SEZ6L2: variants seen among roughly 807,000 people sequenced by gnomAD.
The protein encoded by SEZ6L2 is seizure related 6 homolog like 2.
SEZ6L2 carries 44 observed loss-of-function variants against 97.0 expected under a neutral mutation model. The observed-to-expected ratio is 0.45, with a 90% confidence interval of 0.36 to 0.58. The LOEUF (loss-of-function observed/expected upper bound fraction) is 0.58. Ranked by LOEUF, SEZ6L2 falls within the 20% of genes least tolerant of loss-of-function variation. The pLI is 0.00. For missense variants in SEZ6L2, 1,086 were observed against 1,233.3 expected (o/e 0.88, Z 1.79); for synonymous variants, 543 against 546.1 (o/e 0.99, Z 0.08).
chr16:29,896,540 A>G (rs2068393770), intron 3 of SEZ6L2, among the ~76,000 whole-genome samples: 2 of 152,112 alleles, frequency 1.3e-5, no homozygotes, highest in Non-Finnish European at 2.9e-5. Context: ...GGCCTCCCAA[A>G]GTGCTGGGAT....
rs1472199134 is a variant in SEZ6L2 at position 29,873,402 on chromosome 16, C to T, written c.2326G>A (p.Val776Ile). The change falls in exon 14 of 18, where the codon GTT becomes ATT. Residue 776 changes from valine (V) to isoleucine (I), a missense_variant. Around this residue, in one of 2 missense-constraint regions of SEZ6L2, gnomAD observed 310 missense variants for 438.6 expected, o/e 0.71. Coordinates refer to ENST00000617533, the MANE Select transcript of SEZ6L2 (RefSeq NM_001243332.2). This position sits in a 1 kb window ranked among gnomAD's most constrained non-coding sequence, Gnocchi z 4.3. ...LKYEPCLNPG[V>I]PENGYQTLYK... ...AGCGTCTGGTAGCCATTCTCGGGAA[C>T]CCCCGGGTTCAGGCACGGCTCGTAC... 1.2e-6 allele frequency: 2 copies of T among 1,614,130 alleles called. No individual in the cohort carries two copies. Among genetic ancestry groups the T allele is most frequent in the East Asian group, 4.5e-5 (2 of 44,898 alleles).
Position 29,873,623 on chromosome 16 carries a change from G to A in SEZ6L2, c.2211C>T (p.Tyr737=), listed in dbSNP as rs754940115. ...TGAGCATGGCTGCCCCCTCGAGGCT[G>A]TACCCTGGCAGGCAGCGGTACTGGA... ...SHVQYRCLPG[Y]SLEGAAMLTC... The change falls in exon 13 of 18, where the codon TAC becomes TAT. Residue 737 remains tyrosine, a synonymous_variant. Transcript: ENST00000617533. The surrounding 1 kb of genome is among the most constrained non-coding windows in gnomAD (Gnocchi z 4.3). 2 of 1,613,964 alleles carry A rather than the reference G, an allele frequency of 1.2e-6. No homozygotes were observed. The highest frequency in any genetic ancestry group is 1.7e-5 in the Admixed American group (1 of 60,008).
rs747329174 is a variant in SEZ6L2, at chr16:29,872,202, C to T, written c.2727G>A (p.Pro909=). 55 of 1,607,048 alleles carry T rather than the reference C, an allele frequency of 3.4e-5. No homozygotes were observed. The Middle Eastern group carries it at 1.5e-3, about 43-fold the overall frequency. The change falls in exon 17 of 18, where the codon CCG becomes CCA. Residue 909 remains proline, a synonymous_variant. Coordinates refer to ENST00000617533, the MANE Select transcript of SEZ6L2 (RefSeq NM_001243332.2). ...PITVESDFSN[P]LYEAGDTREY... ...AGGTGCTTACCCCAGCTTCATACAG[C>T]GGGTTGCTGAAGTCCGACTCCACGG...
At position 29,873,505 on chromosome 16, in the gene SEZ6L2, C is replaced by T. The variant is rs1227929479; in HGVS notation, c.2296+33G>A. 26 of 1,613,846 alleles carry T rather than the reference C, an allele frequency of 1.6e-5. No individual in the cohort carries two copies. Among genetic ancestry groups the T allele is most frequent in the Non-Finnish European group, 1.9e-5 (23 of 1,179,932 alleles). On this transcript the variant is annotated intron_variant, in intron 13 of 17. Coordinates refer to ENST00000617533, the MANE Select transcript of SEZ6L2 (RefSeq NM_001243332.2). The surrounding 1 kb of genome is among the most constrained non-coding windows in gnomAD (Gnocchi z 4.3). ...GCAGACGGGCTCTCCCAGGGCTACC[C>T]AGCCACCCTCCCAGGGTGTGCCCCA... is the stretch of plus-strand genomic sequence containing the variant.
intron 6 of SEZ6L2, 38 bp downstream of exon 6, chr16:29,888,502 C>T: frequency 6.2e-7 from 1 of 1,602,586 alleles, no homozygotes; most frequent in African/African-American, 1.3e-5. Flanking sequence ...ATGGGGTTCC[C>T]AGAACAGATG....
Position 29,896,835 on chromosome 16 carries a change from C to G in SEZ6L2, c.498G>C (p.Thr166=). The change falls in exon 3 of 18, where the codon ACG becomes ACC. Residue 166 remains threonine (T), a synonymous_variant. Coordinates refer to ENST00000617533, the MANE Select transcript of SEZ6L2 (RefSeq NM_001243332.2). ...CTGTCGCCTCACCTGGGCTGGTCAC[C>G]GTAGTGGTAACAGTTGTCGTGGTGA... is the stretch of plus-strand genomic sequence containing the variant. ...TIITTTTVTT[T]VTSPVLCNNN... The G allele has an allele frequency of 6.2e-7, 1 of 1,613,944 alleles. No homozygotes were observed.
intron 8 of SEZ6L2, among the ~76,000 whole-genome samples, chr16:29,882,971 C>T (rs1043865451): frequency 5.9e-5 from 9 of 152,178 alleles, no homozygotes; most frequent in Non-Finnish European, 1.3e-4. Flanking sequence ...TTGCTATTTT[C>T]GGTAAAAGAT....
rs370076865 is a variant in SEZ6L2, at chr16:29,895,838, G to A, written c.534C>T (p.Ser178=). The change falls in exon 4 of 18, where the codon TCC becomes TCT. Residue 178 remains serine, a synonymous_variant. Coordinates refer to ENST00000617533, the MANE Select transcript of SEZ6L2 (RefSeq NM_001243332.2). ...GAGACTCCACATACCCTTCGCCCTCGGAGATGTTGTTATTACACAGAACTG... is the reference window on the plus strand; with the variant it reads ...GAGACTCCACATACCCTTCGCCCTCAGAGATGTTGTTATTACACAGAACTG... ...TSPVLCNNNI[S]EGEGYVESPD... The A allele has an allele frequency of 5.3e-5, 86 of 1,613,132 alleles. No homozygotes were observed. Among genetic ancestry groups the A allele is most frequent in the Non-Finnish European group, 6.6e-5 (78 of 1,179,680 alleles).
Position 29,881,039 on chromosome 16 carries a change from G to A in SEZ6L2, c.1373-975C>T, listed in dbSNP as rs921191437. ...TCCGCTGGCCTCGGCCTCCCAAAGT[G>A]CTGGGATTACAGGTATGAGCCATTG... On this transcript the variant is annotated intron_variant, in intron 8 of 17. Coordinates refer to ENST00000617533, the MANE Select transcript of SEZ6L2 (RefSeq NM_001243332.2). Among the ~76,000 whole-genome samples, 4 of 151,840 alleles carry A rather than the reference G, an allele frequency of 2.6e-5. No homozygotes were observed. In the South Asian group the frequency reaches 8.3e-4, roughly 31 times the overall value.
At chr16:29,875,331 C>G (rs1385983135) in intron 12 of SEZ6L2, among the ~76,000 whole-genome samples, 1 of 152,204 alleles carries the variant, frequency 6.6e-6, no homozygotes, top group Non-Finnish European at 1.5e-5. Context: ...CCATGGAGCA[C>G]TGGACAGGGA....
chr16:29,872,415 T>C lies in SEZ6L2; in HGVS notation c.2639A>G (p.Tyr880Cys), dbSNP rs1211718448. Reference protein sequence around the residue: ...IVLGSGVYIYYTKLQGKSLFG... With the variant: ...IVLGSGVYIYCTKLQGKSLFG... ...CCCCAAGCAGGCTACTTACTTGGTG[T>C]AGTAGATGTAAACGCCACTGCCGAG... Residue 880 changes from tyrosine to cysteine, a missense_variant, in exon 16 of 18, where the codon TAC becomes TGC. Around this residue, in one of 2 missense-constraint regions of SEZ6L2, gnomAD observed 310 missense variants for 438.6 expected, o/e 0.71. Transcript: ENST00000617533. 6.2e-7 allele frequency: 1 copy of C among 1,613,708 alleles called. No individual in the cohort carries two copies. The highest frequency in any genetic ancestry group is 8.5e-7 in the Non-Finnish European group (1 of 1,179,744).
Position 29,889,208 on chromosome 16 carries a change from C to T in SEZ6L2, c.854-483G>A, listed in dbSNP as rs112875613. On this transcript the variant is annotated intron_variant, in intron 5 of 17. Coordinates refer to ENST00000617533, the MANE Select transcript of SEZ6L2 (RefSeq NM_001243332.2). Reference sequence around the variant, plus strand: ...CTGTAATCCCAGCACTTTTGGAGGCCGAGGCAGGTGGATCACGAAGTCAGG... The same window carrying T: ...CTGTAATCCCAGCACTTTTGGAGGCTGAGGCAGGTGGATCACGAAGTCAGG... Among the ~76,000 whole-genome samples the T allele has an allele frequency of 2.9e-3, 441 of 152,074 alleles. 1 individual carries two copies. The highest frequency in any genetic ancestry group is 5.3e-3 in the Non-Finnish European group (360 of 67,984).
At position 29,872,449 on chromosome 16, in the gene SEZ6L2, C is replaced by G; in HGVS notation, c.2605G>C (p.Val869Leu). ...TAAACGCCACTGCCGAGGACAATGA[C>G]CAAGCCTAGAGGCAGCAGGATGGCC... Reference protein sequence around the residue: ...ALAILLPLGLVIVLGSGVYIY... With the variant: ...ALAILLPLGLLIVLGSGVYIY... Residue 869 changes from valine to leucine, a missense_variant, in exon 16 of 18, where the codon GTC (valine) becomes CTC (leucine). Coordinates refer to ENST00000617533, the MANE Select transcript of SEZ6L2 (RefSeq NM_001243332.2). 6.2e-7 allele frequency: 1 copy of G among 1,614,222 alleles called. No individual in the cohort carries two copies. The highest frequency in any genetic ancestry group is 1.1e-5 in the South Asian group (1 of 91,088).
chr16:29,883,872 C>T (rs2068077442), intron 8 of SEZ6L2, among the ~76,000 whole-genome samples: 1 of 151,784 alleles, frequency 6.6e-6, no homozygotes, highest in South Asian at 2.1e-4. Context: ...GTTGAGGTTG[C>T]AGTGAACCAT....
intron 8 of SEZ6L2, among the ~76,000 whole-genome samples, chr16:29,885,351 G>T (rs1452134764): frequency 6.6e-6 from 1 of 152,198 alleles, no homozygotes; most frequent in Non-Finnish European, 1.5e-5. Context: ...TGGTCTCTGG[G>T]CTATGTACCT....
At chr16:29,889,660 C>T (rs1463339524) in intron 5 of SEZ6L2, among the ~76,000 whole-genome samples, 1 of 112,166 alleles carries the variant, frequency 8.9e-6, no homozygotes, top group African/African-American at 3.3e-5. Flanking sequence ...TAGGGTCTCA[C>T]TGTGTTGCCC....
At chr16:29,874,411 C>T (rs2150779243) in intron 12 of SEZ6L2, among the ~76,000 whole-genome samples, 1 of 152,248 alleles carries the variant, frequency 6.6e-6, no homozygotes, top group African/African-American at 2.4e-5. Flanking sequence ...CACTCACATA[C>T]ACTCCCTGCC....
chr16:29,887,887 C>T (rs773330314), intron 6 of SEZ6L2, 70 bp from the exon 7 acceptor site: 11 of 1,538,026 alleles, frequency 7.2e-6, no homozygotes, highest in East Asian at 4.7e-5. Context: ...GGCCTCGGCC[C>T]GTTTTCAGAA....
Position 29,876,719 on chromosome 16 carries a change from G to C in SEZ6L2, c.2104+37C>G. 1 of 1,502,356 alleles carries C rather than the reference G, an allele frequency of 6.7e-7. No individual in the cohort carries two copies. The highest frequency in any genetic ancestry group is 8.9e-7 in the Non-Finnish European group (1 of 1,121,096). The allele number at this position is 1,502,356 out of a possible 1,614,324, so 93.1% of individuals were successfully genotyped here. A position where few individuals can be genotyped will look rare whatever the true frequency, so the allele number is the denominator to read the frequency against. ...GCCGACGACGGGGCCCACAGGGAAG[G>C]GGCGGGGCCGAGGGGACGCGGGCGG... On this transcript the variant is annotated intron_variant, in intron 12 of 17. Coordinates refer to ENST00000617533, the MANE Select transcript of SEZ6L2 (RefSeq NM_001243332.2). This position sits in a 1 kb window ranked among gnomAD's most constrained non-coding sequence, Gnocchi z 6.5.
Sources: gnomAD v4.1 joint callset for allele counts (sites outside exome capture counted in the v4.1 genomes callset) on GRCh38, gnomAD v4.1.1 for gene constraint, gnomAD v4.1.1 regional missense constraint, Gnocchi (gnomAD v3.1) non-coding constraint, MANE v1.5 for transcripts, NCBI Gene and HGNC (gene_info 2026-07-23, HGNC 2026-07-21) for gene names.